SLC37A1: variants seen among roughly 807,000 people sequenced by gnomAD.
SLC37A1 encodes the protein glucose-6-phosphate exchanger SLC37A1.
In SLC37A1, 49 loss-of-function variants were observed where a neutral mutation model predicts 75.3. That is an observed-to-expected ratio of 0.65 (90% CI 0.52 to 0.83). The LOEUF is 0.83. SLC37A1 is among the 40% of genes least tolerant of loss of function. SLC37A1 has a pLI of 0.00. For synonymous variants in SLC37A1, 268 were observed against 292.1 expected (o/e 0.92, Z 0.84); for missense variants, 566 against 695.0 (o/e 0.81, Z 2.09).
intron 3 of SLC37A1, among the ~76,000 whole-genome samples, chr21:42,532,232 GA>G (rs1278734532): frequency 6.6e-6 from 1 of 151,940 alleles, no homozygotes; most frequent in Non-Finnish European, 1.5e-5. Context: ...GCTTATTTAT[GA>G]AAAAAAGGGA....
At chr21:42,513,184 C>G (rs2054456931), upstream of SLC37A1, among the ~76,000 whole-genome samples, 1 of 152,084 alleles carries the variant, frequency 6.6e-6, no homozygotes, top group Admixed American at 6.5e-5. Context: ...AGGCCCCTCC[C>G]TGGGGCTGCC....
At chr21:42,560,878 G>A (rs1428022924) in intron 11 of SLC37A1, among the ~76,000 whole-genome samples, 1 of 152,226 alleles carries the variant, frequency 6.6e-6, no homozygotes, top group East Asian at 1.9e-4. Context: ...TATAGTGGAG[G>A]TATAGACAGT....
chr21:42,555,675 C>T (rs2055671401), intron 10 of SLC37A1, among the ~76,000 whole-genome samples: 2 of 152,224 alleles, frequency 1.3e-5, no homozygotes, highest in African/African-American at 4.8e-5. Context: ...GAATCAAGAC[C>T]ACAGGCCCTT....
At chr21:42,572,357 T>TA (rs1022361846) in intron 17 of SLC37A1, among the ~76,000 whole-genome samples, 2 of 152,162 alleles carry the variant, frequency 1.3e-5, no homozygotes, top group Non-Finnish European at 2.9e-5. Context: ...ATTGGGCCCC[T>TA]GTTCGTTTGA....
chr21:42,530,654 A>ACACACACACACACACACACACACCCCC, intron 3 of SLC37A1, among the ~76,000 whole-genome samples: 1 of 35,880 alleles, frequency 2.8e-5, no homozygotes. Flanking sequence ...ACACACACAC[A>ACACACACACACACACACACACACCCCC]CCCCCTCTGT....
Position 42,564,390 on chromosome 21 carries a change from A to G in SLC37A1, c.1136-318A>G, listed in dbSNP as rs553790917. 7.9e-5 allele frequency among the ~76,000 whole-genome samples: 12 copies of G among 152,146 alleles called. No individual in the cohort carries two copies. In the South Asian group the frequency reaches 2.5e-3, roughly 32 times the overall value. ...GGTGACAGAGTGAGACCCCATCTCA[A>G]AACTAAAACAAAAAAAGCAGCAGCA... is the stretch of plus-strand genomic sequence containing the variant. On this transcript the variant is annotated intron_variant, in intron 13 of 19. Coordinates refer to ENST00000352133, the MANE Select transcript of SLC37A1 (RefSeq NM_001320537.2).
At chr21:42,561,734 T>G (rs1205641615) in intron 11 of SLC37A1, 1 of 238,524 alleles carries the variant, frequency 4.2e-6, no homozygotes, top group East Asian at 8.7e-5. Context: ...ACGCCGTAGA[T>G]AAACAGGGCT....
intron 1 of SLC37A1, among the ~76,000 whole-genome samples, chr21:42,517,077 C>A (rs781530017): frequency 2.3e-4 from 35 of 152,316 alleles, no homozygotes; most frequent in Admixed American, 5.2e-4. Flanking sequence ...TAGGACCTTG[C>A]CCTGCAGTCC....
intron 2 of SLC37A1, among the ~76,000 whole-genome samples, chr21:42,522,808 C>G (rs1241999230): frequency 6.6e-6 from 1 of 152,240 alleles, no homozygotes; most frequent in Non-Finnish European, 1.5e-5. Flanking sequence ...ATTAAGGTGT[C>G]TCCCTCCACA....
At chr21:42,572,119 T>C (rs58835194) in intron 17 of SLC37A1, among the ~76,000 whole-genome samples, 3,182 of 152,308 alleles carry the variant, frequency 0.021, 118 homozygotes, top group African/African-American at 0.073. Context: ...CCTGAGGCAA[T>C]GTGGACGTGG....
At chr21:42,512,207 C>T (rs776815387), upstream of SLC37A1, among the ~76,000 whole-genome samples, 2 of 122,170 alleles carry the variant, frequency 1.6e-5, no homozygotes, top group Non-Finnish European at 3.2e-5. Flanking sequence ...GTCAGTTATA[C>T]GTCAGTACAA....
intron 3 of SLC37A1, among the ~76,000 whole-genome samples, chr21:42,526,890 C>T (rs2054809990): frequency 2.0e-5 from 3 of 152,106 alleles, no homozygotes; most frequent in African/African-American, 4.8e-5. Flanking sequence ...AACACTCATC[C>T]GCTTGACAAG....
chr21:42,510,263 T>C (rs936270124), upstream of SLC37A1, among the ~76,000 whole-genome samples: 1 of 152,168 alleles, frequency 6.6e-6, no homozygotes, highest in Non-Finnish European at 1.5e-5. Context: ...CCTGACTGCA[T>C]GATCTGCCCG....
upstream of SLC37A1, among the ~76,000 whole-genome samples, chr21:42,512,175 A>G (rs1479953547): frequency 3.0e-5 from 4 of 135,196 alleles, no homozygotes; most frequent in Non-Finnish European, 6.1e-5. Flanking sequence ...ATCCTATACT[A>G]CAAATTATGT....
chr21:42,535,371 A>G, intron 4 of SLC37A1, 101 bp from the exon 5 acceptor site: 2 of 993,554 alleles, frequency 2.0e-6, no homozygotes, highest in Non-Finnish European at 1.6e-6. Flanking sequence ...CACTAAGTAC[A>G]CCCCGATTTC....
upstream of SLC37A1, chr21:42,509,404 T>C (rs9984443): frequency 6.6e-6 from 1 of 152,022 alleles, no homozygotes; most frequent in African/African-American, 2.4e-5. This position sits in a 1 kb window ranked among gnomAD's most constrained non-coding sequence, Gnocchi z 4.2. Context: ...AGGAGGAGAA[T>C]TCTTTGGAGG....
intron 17 of SLC37A1, among the ~76,000 whole-genome samples, chr21:42,570,809 G>A (rs2056141306): frequency 6.6e-6 from 1 of 152,198 alleles, no homozygotes; most frequent in Non-Finnish European, 1.5e-5. Context: ...CTGCGTCTGT[G>A]AACAGAGGCC....
chr21:42,500,433 A>G (rs2054331295), intron 1 of SLC37A1, among the ~76,000 whole-genome samples: 1 of 152,216 alleles, frequency 6.6e-6, no homozygotes, highest in Non-Finnish European at 1.5e-5. Flanking sequence ...CATCTGTAAA[A>G]TGGGCTGTTG....
rs1483035216 is a variant in SLC37A1, at chr21:42,547,692, C to T, written c.768+552C>T. Reference sequence around the variant, plus strand: ...CACCACTGGCCACTTTCCCACCTGGCTAAGGCCAGCCCTCCCGCGGTACCG... The same window carrying T: ...CACCACTGGCCACTTTCCCACCTGGTTAAGGCCAGCCCTCCCGCGGTACCG... On this transcript the variant is annotated intron_variant, in intron 9 of 19. Transcript: ENST00000352133. This position sits in a 1 kb window ranked among gnomAD's most constrained non-coding sequence, Gnocchi z 6.1. The T allele has an allele frequency of 6.4e-6, 1 of 155,376 alleles. No homozygotes were observed. The highest frequency in any genetic ancestry group is 1.4e-5 in the Non-Finnish European group (1 of 70,180). 9.6% of individuals were successfully genotyped at this position (155,376 alleles called of 1,614,324 possible).
Sources: allele counts gnomAD v4.1 joint callset (sites outside exome capture counted in the v4.1 genomes callset), GRCh38; gene constraint gnomAD v4.1.1; non-coding constraint Gnocchi (gnomAD v3.1); transcripts MANE v1.5; gene names NCBI Gene and HGNC (gene_info 2026-07-23, HGNC 2026-07-21).